FOXK1: variants seen among roughly 807,000 people sequenced by gnomAD.
FOXK1 encodes the protein forkhead box protein K1.
A neutral mutation model predicts 51.9 loss-of-function variants in FOXK1; 19 were observed. The ratio of observed to expected loss-of-function variants is 0.37; its 90% confidence interval spans 0.26 to 0.54. The LOEUF (loss-of-function observed/expected upper bound fraction) is 0.54, where lower values mean the gene tolerates loss of function less well. Among genes scored for constraint, FOXK1 ranks in the 20% least tolerant of loss-of-function variants. FOXK1 has a pLI of 0.87. For missense variants in FOXK1, 870 were observed against 1,032.7 expected (o/e 0.84, Z 2.16); for synonymous variants, 537 against 482.6 (o/e 1.11, Z -1.48).
intron 1 of FOXK1, among the ~76,000 whole-genome samples, chr7:4,700,781 C>A (rs1780011315): frequency 6.6e-6 from 1 of 152,134 alleles, no homozygotes; most frequent in Non-Finnish European, 1.5e-5. Context: ...CGCACCACTA[C>A]ACTGCAGCCT....
Position 4,743,442 on chromosome 7 carries a change from C to T in FOXK1, c.746+2419C>T, listed in dbSNP as rs993525547. 3.3e-5 allele frequency among the ~76,000 whole-genome samples: 5 copies of T among 152,026 alleles called. No homozygotes were observed. The highest frequency in any genetic ancestry group is 9.7e-5 in the African/African-American group (4 of 41,388). On this transcript the variant is annotated intron_variant, in intron 2 of 8. Transcript: ENST00000328914. This position sits in a 1 kb window ranked among gnomAD's most constrained non-coding sequence, Gnocchi z 5.3. Reference sequence around the variant, plus strand: ...CCATATGTCTGTAATCCCAGCTACTCGGGAGGCTGAGGCAGGAGACTGGCT... The same window carrying T: ...CCATATGTCTGTAATCCCAGCTACTTGGGAGGCTGAGGCAGGAGACTGGCT...
rs75839782 is a variant in FOXK1 at position 4,708,116 on chromosome 7, C to T, written c.560+25248C>T. Reference sequence around the variant, plus strand: ...GTTCCTTTTCCCAGCCTGGAACCCGCCCCGCCCTCCAGGAGTGCTTGGAAT... The same window carrying T: ...GTTCCTTTTCCCAGCCTGGAACCCGTCCCGCCCTCCAGGAGTGCTTGGAAT... On this transcript the variant is annotated intron_variant, in intron 1 of 8. Transcript: ENST00000328914. 9.7e-3 allele frequency among the ~76,000 whole-genome samples: 1,483 copies of T among 152,244 alleles called. 17 individuals carry two copies. Among genetic ancestry groups the T allele is most frequent in the Admixed American group, 0.022 (338 of 15,296 alleles).
In FOXK1 at chr7:4,729,808, G is replaced by C. The variant is rs1369111033; in HGVS notation, c.561-11030G>C. ...AGTTTGAGACCAGCCTGGCCAACAT[G>C]GTGAAACCCCATCTCTACTAACAAT... On this transcript the variant is annotated intron_variant, in intron 1 of 8. Coordinates refer to ENST00000328914, the MANE Select transcript of FOXK1 (RefSeq NM_001037165.2). This position sits in a 1 kb window ranked among gnomAD's most constrained non-coding sequence, Gnocchi z 6.2. Among the ~76,000 whole-genome samples, 2 of 152,144 alleles carry C rather than the reference G, an allele frequency of 1.3e-5. No homozygotes were observed. Among genetic ancestry groups the C allele is most frequent in the African/African-American group, 4.8e-5 (2 of 41,416 alleles).
intron 1 of FOXK1, among the ~76,000 whole-genome samples, chr7:4,738,905 C>T (rs933188816): frequency 3.9e-5 from 6 of 152,056 alleles, no homozygotes; most frequent in East Asian, 1.9e-4. Context: ...TGGGAGGAGC[C>T]GCACATTTGT....
Position 4,682,820 on chromosome 7 carries a change from A to G in FOXK1, c.512A>G (p.Asp171Gly). 1.9e-6 allele frequency: 3 copies of G among 1,578,738 alleles called. No individual in the cohort carries two copies. The highest frequency in any genetic ancestry group is 1.7e-6 in the Non-Finnish European group (2 of 1,169,490). Reference sequence around the variant, plus strand: ...CTCGGCAAGAACGGCGTCTTCGTGGACGGGGCCTTCCAGAGACGCGGCGCG... The same window carrying G: ...CTCGGCAAGAACGGCGTCTTCGTGGGCGGGGCCTTCCAGAGACGCGGCGCG... ...RCLGKNGVFV[D>G]GAFQRRGAPA... Residue 171 changes from aspartate to glycine, a missense_variant, in exon 1 of 9, where the codon GAC (aspartate) becomes GGC (glycine). Physicochemically the swap from Asp to Gly is moderately conservative, Grantham distance 94. Around this residue, in one of 3 missense-constraint regions of FOXK1, gnomAD observed 399 missense variants for 475.6 expected, o/e 0.84. Coordinates refer to ENST00000328914, the MANE Select transcript of FOXK1 (RefSeq NM_001037165.2). The surrounding 1 kb of genome is among the most constrained non-coding windows in gnomAD (Gnocchi z 7.6).
At chr7:4,739,274 C>T (rs1054742118) in intron 1 of FOXK1, among the ~76,000 whole-genome samples, 35 of 152,218 alleles carry the variant, frequency 2.3e-4, no homozygotes, top group African/African-American at 3.9e-4. Context: ...AGCGCATTAT[C>T]ACCGGTGGCT....
intron 1 of FOXK1, among the ~76,000 whole-genome samples, chr7:4,732,774 C>T (rs1011421044): frequency 5.3e-5 from 8 of 152,202 alleles, no homozygotes; most frequent in African/African-American, 1.4e-4. Context: ...CATGGCTTTC[C>T]GTTAGAGAAG....
rs138146736 is a variant in FOXK1 at position 4,709,897 on chromosome 7, G to A, written c.560+27029G>A. ...CGAATGAGTTCACTTAGAACAACGC[G>A]TGACACGTTTGAACACGGAAGAACA... is the stretch of plus-strand genomic sequence containing the variant. On this transcript the variant is annotated intron_variant, in intron 1 of 8. Coordinates refer to ENST00000328914, the MANE Select transcript of FOXK1 (RefSeq NM_001037165.2). This position sits in a 1 kb window ranked among gnomAD's most constrained non-coding sequence, Gnocchi z 5.6. 3.5e-3 allele frequency among the ~76,000 whole-genome samples: 528 copies of A among 152,304 alleles called. 5 individuals are homozygous for A. Among genetic ancestry groups the A allele is most frequent in the African/African-American group, 0.012 (506 of 41,566 alleles).
rs1295051386 is a variant in FOXK1, at chr7:4,762,319, C to T, written c.2057C>T (p.Thr686Ile). Reference protein sequence around the residue: ...VAATATTTPATATTASASASS... With the variant: ...VAATATTTPAIATTASASASS... Reference sequence around the variant, plus strand: ...GCCACGGCCACCACCACCCCAGCCACTGCCACCACCGCCTCTGCCTCCGCC... The same window carrying T: ...GCCACGGCCACCACCACCCCAGCCATTGCCACCACCGCCTCTGCCTCCGCC... Residue 686 changes from threonine (T) to isoleucine (I), a missense_variant, in exon 9 of 9, where the codon ACT becomes ATT. Transcript: ENST00000328914. The surrounding 1 kb of genome is among the most constrained non-coding windows in gnomAD (Gnocchi z 5.7). 2 of 1,550,506 alleles carry T rather than the reference C, an allele frequency of 1.3e-6. No homozygotes were observed. Among genetic ancestry groups the T allele is most frequent in the Non-Finnish European group, 1.7e-6 (2 of 1,146,840 alleles).
At chr7:4,704,097 A>T (rs1284643670) in intron 1 of FOXK1, among the ~76,000 whole-genome samples, 1 of 152,326 alleles carries the variant, frequency 6.6e-6, no homozygotes, top group East Asian at 1.9e-4. Flanking sequence ...AGGGTCTACC[A>T]AGGGTACACT....
intron 1 of FOXK1, among the ~76,000 whole-genome samples, chr7:4,725,201 C>T (rs1780364045): frequency 6.6e-6 from 1 of 152,234 alleles, no homozygotes; most frequent in African/African-American, 2.4e-5. Context: ...GAGTTGGGGT[C>T]GCGGGGGTAG....
Position 4,734,615 on chromosome 7 carries a change from C to A in FOXK1, c.561-6223C>A, listed in dbSNP as rs1780527400. On this transcript the variant is annotated intron_variant, in intron 1 of 8. Coordinates refer to ENST00000328914, the MANE Select transcript of FOXK1 (RefSeq NM_001037165.2). The surrounding 1 kb of genome is among the most constrained non-coding windows in gnomAD (Gnocchi z 5.2). Reference sequence around the variant, plus strand: ...GGCATCGGTGCACGGGGCTCCCTCCCTGGGGCTTCATGGGGGGCTCAGGAA... The same window carrying A: ...GGCATCGGTGCACGGGGCTCCCTCCATGGGGCTTCATGGGGGGCTCAGGAA... Among the ~76,000 whole-genome samples, 1 of 152,228 alleles carries A rather than the reference C, an allele frequency of 6.6e-6. No homozygotes were observed. The highest frequency in any genetic ancestry group is 2.4e-5 in the African/African-American group (1 of 41,462).
chr7:4,750,028 C>G (rs2115067286), intron 2 of FOXK1, among the ~76,000 whole-genome samples: 1 of 152,300 alleles, frequency 6.6e-6, no homozygotes, highest in East Asian at 1.9e-4. Flanking sequence ...ATGGGGTTGT[C>G]CCTGTGAGCA....
At chr7:4,726,718 C>T (rs181283124) in intron 1 of FOXK1, among the ~76,000 whole-genome samples, 9 of 152,252 alleles carry the variant, frequency 5.9e-5, no homozygotes, top group South Asian at 2.1e-4. Context: ...GTTTCTTCTC[C>T]CCTCTGCAGG....
chr7:4,693,984 G>A (rs1297619793), intron 1 of FOXK1, among the ~76,000 whole-genome samples: 2 of 152,106 alleles, frequency 1.3e-5, no homozygotes, highest in African/African-American at 2.4e-5. Flanking sequence ...GGGCTCAAAC[G>A]ATCCTCCTGC....
At chr7:4,696,844 GATCAC>G (rs1452200391) in intron 1 of FOXK1, among the ~76,000 whole-genome samples, 1 of 152,190 alleles carries the variant, frequency 6.6e-6, no homozygotes, top group Non-Finnish European at 1.5e-5. Context: ...GAGGTGGGTG[GATCAC>G]TTGAGGCCAG....
Position 4,753,767 on chromosome 7 carries a change from C to T in FOXK1, c.747-692C>T, listed in dbSNP as rs1298727472. ...CACCCCTCAGCCGGACGGACGCAGCCTCCTGCCTGTGGTCCCGGCCTCAAC... is the reference window on the plus strand; with the variant it reads ...CACCCCTCAGCCGGACGGACGCAGCTTCCTGCCTGTGGTCCCGGCCTCAAC... On this transcript the variant is annotated intron_variant, in intron 2 of 8. Coordinates refer to ENST00000328914, the MANE Select transcript of FOXK1 (RefSeq NM_001037165.2). This position sits in a 1 kb window ranked among gnomAD's most constrained non-coding sequence, Gnocchi z 4.9. Among the ~76,000 whole-genome samples, 3 of 152,222 alleles carry T rather than the reference C, an allele frequency of 2.0e-5. No homozygotes were observed. The highest frequency in any genetic ancestry group is 7.2e-5 in the African/African-American group (3 of 41,468).
At position 4,750,218 on chromosome 7, in the gene FOXK1, G is replaced by A. The variant is rs73674089; in HGVS notation, c.747-4241G>A. Among the ~76,000 whole-genome samples the A allele has an allele frequency of 2.9e-3, 447 of 152,288 alleles. 4 individuals carry two copies. Among genetic ancestry groups the A allele is most frequent in the African/African-American group, 0.01 (432 of 41,558 alleles). ...GGCACAGGCGTTTGATTCCCGCGAC[G>A]TCTGTGGGCTGTCACTGTCCAGCCT... On this transcript the variant is annotated intron_variant, in intron 2 of 8. Coordinates refer to ENST00000328914, the MANE Select transcript of FOXK1 (RefSeq NM_001037165.2).
At chr7:4,759,647 G>A (rs1298199714) in intron 7 of FOXK1, 52 bp downstream of exon 7, 1 of 1,497,138 alleles carries the variant, frequency 6.7e-7, no homozygotes, top group Non-Finnish European at 8.9e-7. Context: ...GGTGGTCCCG[G>A]CCGGCAAGTC....
Sources: allele counts gnomAD v4.1 joint callset (sites outside exome capture counted in the v4.1 genomes callset), GRCh38; gene constraint gnomAD v4.1.1; regional missense constraint gnomAD v4.1.1; non-coding constraint Gnocchi (gnomAD v3.1); transcripts MANE v1.5; gene names NCBI Gene and HGNC (gene_info 2026-07-23, HGNC 2026-07-21).